Variants in MARCHF1 observed in about 807,000 individuals in gnomAD.
The protein encoded by MARCHF1 is E3 ubiquitin-protein ligase MARCHF1.
In MARCHF1, 40 loss-of-function variants were observed where a neutral mutation model predicts 54.2. That is an observed-to-expected ratio of 0.74 (90% CI 0.57 to 0.96). The LOEUF (loss-of-function observed/expected upper bound fraction) is 0.96, where lower values mean the gene tolerates loss of function less well. MARCHF1 is among the 40% of genes least tolerant of loss of function. The pLI is 0.00. For missense variants in MARCHF1, 586 were observed against 656.5 expected (o/e 0.89, Z 1.17); for synonymous variants, 236 against 236.3 (o/e 1.00, Z 0.01).
intron 4 of MARCHF1, among the ~76,000 whole-genome samples, chr4:163,792,665 A>C (rs1747803033): frequency 6.6e-6 from 1 of 152,214 alleles, no homozygotes; most frequent in African/African-American, 2.4e-5. Context: ...AGTAAAACAT[A>C]ATCAGTCAAT....
At chr4:164,376,885 C>T (rs890127778) in intron 1 of MARCHF1, among the ~76,000 whole-genome samples, 2 of 152,164 alleles carry the variant, frequency 1.3e-5, no homozygotes, top group East Asian at 1.9e-4. Flanking sequence ...ACAGGACATC[C>T]GGCAGGGTCC....
intron 4 of MARCHF1, among the ~76,000 whole-genome samples, chr4:163,719,215 G>A (rs1351267401): frequency 1.3e-5 from 2 of 148,458 alleles, no homozygotes; most frequent in Non-Finnish European, 3.0e-5. Flanking sequence ...GGTGTGTGAT[G>A]TTCCCCTTCC....
intron 4 of MARCHF1, among the ~76,000 whole-genome samples, chr4:163,812,180 G>C (rs118002848): frequency 0.034 from 5,150 of 151,726 alleles, 103 homozygotes; most frequent in East Asian, 0.074. Flanking sequence ...ACAGATCCTG[G>C]GACTTCTCAG....
intron 4 of MARCHF1, among the ~76,000 whole-genome samples, chr4:163,791,880 G>C (rs1442143965): frequency 6.6e-6 from 1 of 152,066 alleles, no homozygotes. Flanking sequence ...GTCCATAGTA[G>C]CTTCCTAGCC....
At chr4:164,141,679 C>T (rs1756539439) in intron 1 of MARCHF1, among the ~76,000 whole-genome samples, 1 of 152,256 alleles carries the variant, frequency 6.6e-6, no homozygotes, top group Admixed American at 6.5e-5. Context: ...AAATTCTTCA[C>T]ATACCCTCTT....
intron 1 of MARCHF1, among the ~76,000 whole-genome samples, chr4:164,351,118 C>T (rs891372586): frequency 2.0e-5 from 3 of 152,206 alleles, no homozygotes; most frequent in Non-Finnish European, 4.4e-5. Flanking sequence ...TCCTACCCCA[C>T]GGAATCTCGC....
intron 4 of MARCHF1, among the ~76,000 whole-genome samples, chr4:163,724,227 T>G (rs1399071643): frequency 1.3e-5 from 2 of 152,236 alleles, no homozygotes; most frequent in Non-Finnish European, 2.9e-5. Context: ...ACTGTTAGTT[T>G]TCCTTCTAAT....
chr4:164,325,356 T>TATATATATATATATATATATATA (rs1561003093), intron 1 of MARCHF1, among the ~76,000 whole-genome samples: 12 of 149,334 alleles, frequency 8.0e-5, no homozygotes, highest in African/African-American at 1.7e-4. Flanking sequence ...TATATATATA[T>TATATATATATATATATATATATA]TTGCACAGAC....
At chr4:164,179,217 T>C (rs1730768673) in intron 1 of MARCHF1, among the ~76,000 whole-genome samples, 1 of 152,192 alleles carries the variant, frequency 6.6e-6, no homozygotes, top group Non-Finnish European at 1.5e-5. Context: ...TCCACCTTTT[T>C]AATGGAACTC....
intron 4 of MARCHF1, among the ~76,000 whole-genome samples, chr4:163,783,571 C>T (rs1263433772): frequency 6.6e-6 from 1 of 152,096 alleles, no homozygotes; most frequent in Non-Finnish European, 1.5e-5. Context: ...TGCAAGAGAG[C>T]CTGGGAAATG....
chr4:163,653,317 A>C (rs1743031610), intron 5 of MARCHF1, among the ~76,000 whole-genome samples: 2 of 151,818 alleles, frequency 1.3e-5, no homozygotes, highest in East Asian at 3.9e-4. Context: ...GCCAGGGGCC[A>C]GGTTATGTAT....
chr4:164,176,976 CTCTCTATATATATATATATA>C (rs1400806906), intron 1 of MARCHF1, among the ~76,000 whole-genome samples: 1 of 32,866 alleles, frequency 3.0e-5, no homozygotes, highest in African/African-American at 1.2e-4. Context: ...CTCTCTCTCT[CTCTCTATATATATATATATA>C]TATATATATA....
chr4:164,330,181 A>G (rs1283872107), intron 1 of MARCHF1: 3 of 152,138 alleles, frequency 2.0e-5, no homozygotes, highest in Non-Finnish European at 4.4e-5. Flanking sequence ...GGTTAAAAAA[A>G]AAAAAAAACA....
intron 8 of MARCHF1, among the ~76,000 whole-genome samples, chr4:163,559,794 G>C (rs1320544808): frequency 6.6e-6 from 1 of 152,158 alleles, no homozygotes; most frequent in African/African-American, 2.4e-5. Flanking sequence ...CTCTCTCAGT[G>C]TTTATCTGAA....
intron 1 of MARCHF1, among the ~76,000 whole-genome samples, chr4:164,285,602 C>T (rs1734125516): frequency 6.6e-6 from 1 of 151,442 alleles, no homozygotes. Context: ...GCAACCACGC[C>T]CGGCTAAATT....
chr4:163,669,769 T>C (rs1743666944), intron 5 of MARCHF1, among the ~76,000 whole-genome samples: 2 of 152,084 alleles, frequency 1.3e-5, no homozygotes. Context: ...TGGCTAATTT[T>C]TGTATTTTTA....
chr4:164,252,802 T>C (rs1733166131), intron 1 of MARCHF1, among the ~76,000 whole-genome samples: 1 of 152,132 alleles, frequency 6.6e-6, no homozygotes, highest in Non-Finnish European at 1.5e-5. Context: ...AAAATGTAAT[T>C]ATTATCAGAT....
At chr4:164,004,450 A>T (rs367924104) in intron 2 of MARCHF1, among the ~76,000 whole-genome samples, 11 of 152,270 alleles carry the variant, frequency 7.2e-5, no homozygotes, top group African/African-American at 2.6e-4. Flanking sequence ...CAATTTCAAA[A>T]CAACTTTCTG....
chr4:164,012,918 G>A (rs1230198800), intron 2 of MARCHF1, among the ~76,000 whole-genome samples: 1 of 152,110 alleles, frequency 6.6e-6, no homozygotes, highest in African/African-American at 2.4e-5. Context: ...GCCCTCTCAA[G>A]GGTGCATATA....
Sources: gnomAD v4.1 joint callset for allele counts (sites outside exome capture counted in the v4.1 genomes callset) on GRCh38, gnomAD v4.1.1 for gene constraint, MANE v1.5 for transcripts, NCBI Gene and HGNC (gene_info 2026-07-23, HGNC 2026-07-21) for gene names.